SRGAP2C: variants seen among roughly 807,000 people sequenced by gnomAD.
SRGAP2C encodes the protein SLIT-ROBO Rho GTPase activating protein 2C.
SRGAP2C carries 15 observed loss-of-function variants against 25.1 expected under a neutral mutation model. The ratio of observed to expected loss-of-function variants is 0.60; its 90% CI spans 0.40 to 0.92. The LOEUF (loss-of-function observed/expected upper bound fraction) is 0.92, where lower values mean the gene tolerates loss of function less well. Ranked by LOEUF, SRGAP2C falls within the 40% of genes least tolerant of loss-of-function variation. The pLI, the probability that SRGAP2C is intolerant of heterozygous loss-of-function variation, is 0.00. For missense variants in SRGAP2C, 144 were observed against 264.4 expected (o/e 0.54, Z 3.16); for synonymous variants, 44 against 96.6 (o/e 0.46, Z 3.19).
intron 3 of SRGAP2C, among the ~76,000 whole-genome samples, chr1:121,296,554 T>C (rs1194889902): frequency 3.0e-5 from 1 of 33,088 alleles, no homozygotes; most frequent in Non-Finnish European, 6.0e-5. Flanking sequence ...AAGTAAACTT[T>C]CTTGTTTGGC....
At chr1:121,224,724 G>A (rs1270152735) in intron 2 of SRGAP2C, among the ~76,000 whole-genome samples, 3 of 149,374 alleles carry the variant, frequency 2.0e-5, no homozygotes, top group Admixed American at 1.3e-4. Flanking sequence ...TCTAGGTAGT[G>A]CCTGTTTGTA....
chr1:121,212,448 G>C (rs1353203191), intron 2 of SRGAP2C, among the ~76,000 whole-genome samples: 2 of 152,054 alleles, frequency 1.3e-5, no homozygotes, highest in African/African-American at 4.8e-5. Flanking sequence ...TATTCTTAAT[G>C]TATGGACTTA....
At chr1:121,188,288 T>C (rs1243969757) in intron 2 of SRGAP2C, among the ~76,000 whole-genome samples, 3 of 152,134 alleles carry the variant, frequency 2.0e-5, no homozygotes, top group African/African-American at 7.2e-5. Context: ...TCCTGAAAAA[T>C]GTGAAGGGTA....
At chr1:121,240,928 G>C (rs1176200325) in intron 2 of SRGAP2C, among the ~76,000 whole-genome samples, 1 of 64,226 alleles carries the variant, frequency 1.6e-5, no homozygotes, top group Admixed American at 1.7e-4. Flanking sequence ...TTCTGGGCTC[G>C]AGTGATCCTC....
At chr1:121,242,150 TA>T (rs2101495739) in intron 2 of SRGAP2C, among the ~76,000 whole-genome samples, 1 of 143,952 alleles carries the variant, frequency 6.9e-6, no homozygotes, top group Non-Finnish European at 1.5e-5. Flanking sequence ...TTCTCATTCG[TA>T]TATCAGAGCT....
At position 121,305,505 on chromosome 1, in the gene SRGAP2C, A is replaced by AT. The variant is rs1330254736; in HGVS notation, c.261-18969dup. On this transcript the variant is annotated intron_variant, in intron 3 of 9. Coordinates refer to ENST00000367123, the MANE Select transcript of SRGAP2C (RefSeq NM_001329984.2). ...TTGCATCAATTCTGATGACCTGGCC[A>AT]TTTTCTCCTGTCTGTCTGGGAATGG... 4.2e-3 allele frequency among the ~76,000 whole-genome samples: 149 copies of AT among 35,880 alleles called. 2 individuals are homozygous for AT. Among genetic ancestry groups the AT allele is most frequent in the Admixed American group, 8.6e-3 (25 of 2,908 alleles). The allele number at this position is 35,880 out of a possible 152,430, so 23.5% of individuals were successfully genotyped here. A position where few individuals can be genotyped will look rare whatever the true frequency, so the allele number is the denominator to read the frequency against.
At chr1:121,201,732 C>T (rs1176037852) in intron 2 of SRGAP2C, among the ~76,000 whole-genome samples, 2 of 152,218 alleles carry the variant, frequency 1.3e-5, no homozygotes, top group African/African-American at 4.8e-5. Flanking sequence ...GAAAGCAAGG[C>T]TATTTGGCCT....
intron 2 of SRGAP2C, among the ~76,000 whole-genome samples, chr1:121,208,190 A>G (rs1570705442): frequency 6.6e-6 from 1 of 152,202 alleles, no homozygotes; most frequent in East Asian, 1.9e-4. Context: ...AAAGTGGACC[A>G]TCTCTTGGTG....
intron 4 of SRGAP2C, among the ~76,000 whole-genome samples, chr1:121,338,852 CAAAA>C (rs1372802942): frequency 7.0e-6 from 1 of 141,934 alleles, no homozygotes; most frequent in Admixed American, 7.1e-5. Flanking sequence ...AGCAAACAAA[CAAAA>C]AACCCTTCAG....
intron 3 of SRGAP2C, among the ~76,000 whole-genome samples, chr1:121,307,414 A>T (rs1367274177): frequency 1.4e-5 from 2 of 147,386 alleles, no homozygotes; most frequent in Non-Finnish European, 1.5e-5. Context: ...TGTTTTTTAA[A>T]TTTTTTGGTG....
In SRGAP2C at chr1:121,390,878, T is replaced by C. The variant is rs1286421628; in HGVS notation, c.*3023T>C. 6.6e-6 allele frequency: 1 copy of C among 150,598 alleles called. No individual in the cohort carries two copies. Among genetic ancestry groups the C allele is most frequent in the Middle Eastern group, 3.2e-3 (1 of 310 alleles). The allele number at this position is 150,598 out of a possible 1,614,324, so 9.3% of individuals were successfully genotyped here. ...CAATGTGGTGAAACCCTGTCTCTAC[T>C]AAAAACACAAAAATTAGCTGGGTGT... On this transcript the variant is annotated 3_prime_UTR_variant, in exon 10 of 10. Coordinates refer to ENST00000367123, the MANE Select transcript of SRGAP2C (RefSeq NM_001329984.2).
At chr1:121,377,126 T>C (rs1385524694) in intron 7 of SRGAP2C, among the ~76,000 whole-genome samples, 5 of 138,122 alleles carry the variant, frequency 3.6e-5, no homozygotes, top group African/African-American at 1.3e-4. Flanking sequence ...AAAAAAAACG[T>C]CTGCTAAGAG....
At chr1:121,222,158 G>C (rs1250297922) in intron 2 of SRGAP2C, among the ~76,000 whole-genome samples, 2 of 152,126 alleles carry the variant, frequency 1.3e-5, no homozygotes, top group African/African-American at 4.8e-5. Flanking sequence ...CTTTTCAGAA[G>C]TGAGGAAACT....
At chr1:121,271,203 C>T (rs587614254) in intron 2 of SRGAP2C, among the ~76,000 whole-genome samples, 68 of 148,740 alleles carry the variant, frequency 4.6e-4, no homozygotes, top group African/African-American at 1.6e-3. Flanking sequence ...AACAACATTG[C>T]CTTGTGGTGT....
At chr1:121,271,508 A>C (rs1266670353) in intron 2 of SRGAP2C, among the ~76,000 whole-genome samples, 5 of 151,914 alleles carry the variant, frequency 3.3e-5, no homozygotes, top group Non-Finnish European at 5.9e-5. Context: ...TTTCTGATTT[A>C]ATAATAGCCC....
intron 2 of SRGAP2C, among the ~76,000 whole-genome samples, chr1:121,284,185 G>A (rs1333650196): frequency 7.3e-5 from 11 of 151,678 alleles, no homozygotes; most frequent in African/African-American, 2.7e-4. Context: ...TGCTTCTTTT[G>A]TTTTGATTGC....
chr1:121,313,882 G>T (rs1658023323), intron 3 of SRGAP2C, among the ~76,000 whole-genome samples: 1 of 130,806 alleles, frequency 7.6e-6, no homozygotes. Flanking sequence ...TTCAACTTTG[G>T]TGAATCTGAC....
rs1659601989 is a variant in SRGAP2C at position 121,374,969 on chromosome 1, C to T, written c.831+15C>T. On this transcript the variant is annotated intron_variant, in intron 7 of 9. Coordinates refer to ENST00000367123, the MANE Select transcript of SRGAP2C (RefSeq NM_001329984.2). ...ACCTTATTGATGTAAGTGCTTAAAG[C>T]CAAGGGCCTGAGGGCCCCTCTTTTC... The T allele has an allele frequency of 1.3e-6, 1 of 775,210 alleles. No individual in the cohort carries two copies. Among genetic ancestry groups the T allele is most frequent in the Middle Eastern group, 2.3e-4 (1 of 4,432 alleles). 48.0% of individuals were successfully genotyped at this position (775,210 alleles called of 1,614,324 possible).
chr1:121,314,014 A>C (rs1405136780), intron 3 of SRGAP2C, among the ~76,000 whole-genome samples: 1 of 132,884 alleles, frequency 7.5e-6, no homozygotes, highest in Non-Finnish European at 1.6e-5. Flanking sequence ...AATATCCTGC[A>C]GAGTGTTTTC....
Sources: allele counts gnomAD v4.1 joint callset (sites outside exome capture counted in the v4.1 genomes callset), GRCh38; gene constraint gnomAD v4.1.1; transcripts MANE v1.5; gene names NCBI Gene and HGNC (gene_info 2026-07-23, HGNC 2026-07-21).